ZNF445: variants seen among roughly 807,000 people sequenced by gnomAD.
ZNF445 encodes zinc finger protein 168.
ZNF445 carries 19 observed loss-of-function variants against 93.9 expected under a neutral mutation model. That is an observed-to-expected ratio of 0.20 (90% CI 0.14 to 0.30). The LOEUF is 0.30. ZNF445 is among the 10% of genes least tolerant of loss of function. The pLI, the probability that ZNF445 is intolerant of heterozygous loss-of-function variation, is 1.00. For synonymous variants in ZNF445, 449 were observed against 446.3 expected (o/e 1.01, Z -0.08); for missense variants, 1,058 against 1,259.4 (o/e 0.84, Z 2.42).
intron 1 of ZNF445, among the ~76,000 whole-genome samples, chr3:44,473,314 C>T (rs988071474): frequency 6.6e-6 from 1 of 151,904 alleles, no homozygotes; most frequent in South Asian, 2.1e-4. Flanking sequence ...AATTAGCCGG[C>T]ATGGTGCTGC....
intron 3 of ZNF445, among the ~76,000 whole-genome samples, chr3:44,453,144 C>CCA (rs1697978567): frequency 6.6e-6 from 1 of 151,938 alleles, no homozygotes; most frequent in South Asian, 2.1e-4. Flanking sequence ...GATCTCTTGA[C>CCA]CTTGTGATCT....
At chr3:44,473,491 A>ACACACACACACAC (rs768926978) in intron 1 of ZNF445, among the ~76,000 whole-genome samples, 7 of 89,886 alleles carry the variant, frequency 7.8e-5, no homozygotes, top group African/African-American at 1.3e-4. Context: ...ACACACACAC[A>ACACACACACACAC]AAAAATGCTT....
At chr3:44,469,942 G>A (rs1404644572) in intron 1 of ZNF445, among the ~76,000 whole-genome samples, 1 of 152,094 alleles carries the variant, frequency 6.6e-6, no homozygotes, top group Non-Finnish European at 1.5e-5. Flanking sequence ...TCAGGCCCGA[G>A]GCCACTCTTT....
At position 44,448,224 on chromosome 3, in the gene ZNF445, C is replaced by T. The variant is rs768119712; in HGVS notation, c.1447G>A (p.Val483Met). The change falls in exon 8 of 8, where the codon GTG becomes ATG. Residue 483 changes from valine to methionine, a missense_variant. By Grantham distance (21) the Val-to-Met change is conservative. Around this residue, in one of 3 missense-constraint regions of ZNF445, gnomAD observed 657 missense variants for 746.4 expected, o/e 0.88. Coordinates refer to ENST00000396077, the MANE Select transcript of ZNF445 (RefSeq NM_181489.6). Reference protein sequence around the residue: ...QRGQSLHTVGVSFKCSDCGRT... With the variant: ...QRGQSLHTVGMSFKCSDCGRT... ...CCACAGTCACTGCACTTAAATGACA[C>T]TCCCACTGTGTGAAGACTCTGCCCA... 8 of 1,614,110 alleles carry T rather than the reference C, an allele frequency of 5.0e-6. No homozygotes were observed. Among genetic ancestry groups the T allele is most frequent in the Non-Finnish European group, 5.1e-6 (6 of 1,180,050 alleles).
At position 44,455,126 on chromosome 3, in the gene ZNF445, A is replaced by C. The variant is rs1411704131; in HGVS notation, c.424T>G (p.Trp142Gly). Residue 142 changes from tryptophan to glycine, a missense_variant, in exon 3 of 8, where the codon TGG (tryptophan) becomes GGG (glycine). Around this residue, in one of 3 missense-constraint regions of ZNF445, gnomAD observed 657 missense variants for 746.4 expected, o/e 0.88. Transcript: ENST00000396077. Reference sequence around the variant, plus strand: ...ACACACTTGCTCACACTCACCCTCCAGGATGTCCCATCAAGGTCCCTCTGC... The same window carrying C: ...ACACACTTGCTCACACTCACCCTCCCGGATGTCCCATCAAGGTCCCTCTGC... ...ELQRDLDGTS[W>G]RDPGPAQSPD... 1.2e-6 allele frequency: 2 copies of C among 1,614,110 alleles called. No homozygotes were observed. Among genetic ancestry groups the C allele is most frequent in the African/African-American group, 1.3e-5 (1 of 75,028 alleles).
In ZNF445 at chr3:44,441,048, G is replaced by C. The variant is rs1044035452; in HGVS notation, c.*5527C>G. The C allele has an allele frequency of 6.6e-6, 1 of 152,034 alleles. No homozygotes were observed. Among genetic ancestry groups the C allele is most frequent in the Non-Finnish European group, 1.5e-5 (1 of 68,050 alleles). The allele number at this position is 152,034 out of a possible 1,614,324, so 9.4% of individuals were successfully genotyped here. A position where few individuals can be genotyped will look rare whatever the true frequency, so the allele number is the denominator to read the frequency against. ...CCTGCCTCAGCCTCTCAAGTAGCTG[G>C]GATTACAGGCACGTGCCACCATGCC... is the stretch of plus-strand genomic sequence containing the variant. On this transcript the variant is annotated 3_prime_UTR_variant, in exon 8 of 8. Transcript: ENST00000396077.
At position 44,438,604 on chromosome 3, in the gene ZNF445, A is replaced by G. The variant is rs895144674; in HGVS notation, c.*7971T>C. The G allele has an allele frequency of 6.6e-6, 1 of 152,060 alleles. No individual in the cohort carries two copies. Among genetic ancestry groups the G allele is most frequent in the Non-Finnish European group, 1.5e-5 (1 of 68,026 alleles). The allele number at this position is 152,060 out of a possible 1,614,324, so 9.4% of individuals were successfully genotyped here. A position where few individuals can be genotyped will look rare whatever the true frequency, so the allele number is the denominator to read the frequency against. ...AGCCACCGTGCCTGGCCAAAAAAAT[A>G]ATTTTTTTAAAAGGACTCCAGGCAA... On this transcript the variant is annotated 3_prime_UTR_variant, in exon 8 of 8. Coordinates refer to ENST00000396077, the MANE Select transcript of ZNF445 (RefSeq NM_181489.6).
rs146656660 is a variant in ZNF445, at chr3:44,447,582, C to T, written c.2089G>A (p.Val697Ile). 272 of 1,614,026 alleles carry T rather than the reference C, an allele frequency of 1.7e-4. No individual in the cohort carries two copies. The highest frequency in any genetic ancestry group is 2.3e-4 in the Non-Finnish European group (267 of 1,180,034). Residue 697 changes from valine to isoleucine, a missense_variant, in exon 8 of 8, where the codon GTT becomes ATT. By Grantham distance (29) the Val-to-Ile change is conservative (BLOSUM62 3). Coordinates refer to ENST00000396077, the MANE Select transcript of ZNF445 (RefSeq NM_181489.6). The surrounding 1 kb of genome is among the most constrained non-coding windows in gnomAD (Gnocchi z 4.7). The stretch of plus-strand genomic sequence containing the variant: ...CCTGTGTGAATTCTCTGGTGGTCAA[C>T]GAGAGTTTTCTTTCTAGTAAAAGTT... The part of the protein sequence containing the change: ...GKTFTRKKTL[V>I]DHQRIHTGEK...
chr3:44,448,309 C>T lies in ZNF445; in HGVS notation c.1362G>A (p.Leu454=), dbSNP rs1697907879. 1.2e-6 allele frequency: 2 copies of T among 1,614,072 alleles called. No individual in the cohort carries two copies. Among genetic ancestry groups the T allele is most frequent in the Admixed American group, 1.7e-5 (1 of 59,996 alleles). ...FSLHQRIHSG[L]KGNKKDVCGK... is the part of the protein sequence containing the mutation. Reference sequence around the variant, plus strand: ...CACACACGTCCTTTTTGTTCCCTTTCAGTCCACTATGAATTCTCTGATGTA... The same window carrying T: ...CACACACGTCCTTTTTGTTCCCTTTTAGTCCACTATGAATTCTCTGATGTA... Residue 454 remains leucine (L), a synonymous_variant, in exon 8 of 8, where the codon CTG becomes CTA. Transcript: ENST00000396077.
intron 3 of ZNF445, among the ~76,000 whole-genome samples, chr3:44,454,540 A>T (rs1698000999): frequency 6.6e-6 from 1 of 152,162 alleles, no homozygotes; most frequent in Non-Finnish European, 1.5e-5. Context: ...GGTTCAAGTG[A>T]TCCTCCCACC....
rs944572556 is a variant in ZNF445 at position 44,433,791 on chromosome 3, G to C, written c.*12784C>G. 1 of 152,340 alleles carries C rather than the reference G, an allele frequency of 6.6e-6. No homozygotes were observed. The highest frequency in any genetic ancestry group is 2.1e-4 in the South Asian group (1 of 4,834). 9.4% of individuals were successfully genotyped at this position (152,340 alleles called of 1,614,324 possible). A position where few individuals can be genotyped will look rare whatever the true frequency, so the allele number is the denominator to read the frequency against. On this transcript the variant is annotated 3_prime_UTR_variant, in exon 8 of 8. Coordinates refer to ENST00000396077, the MANE Select transcript of ZNF445 (RefSeq NM_181489.6). ...GCAGCCCTGCGGGGCCCCACACTTA[G>C]AATGGCCTCCGCCTGCTATCTTGCT...
intron 7 of ZNF445, 81 bp downstream of exon 7, chr3:44,449,432 T>C (rs1359821182): frequency 8.6e-7 from 1 of 1,159,752 alleles, no homozygotes; most frequent in Non-Finnish European, 1.3e-6. Flanking sequence ...ATGGAGTAAA[T>C]TCCCAGTGAT....
chr3:44,433,048 A>T lies in ZNF445; in HGVS notation c.*13527T>A, dbSNP rs1697592369. 1.3e-5 allele frequency: 2 copies of T among 152,174 alleles called. No homozygotes were observed. The highest frequency in any genetic ancestry group is 4.8e-5 in the African/African-American group (2 of 41,430). The allele number at this position is 152,174 out of a possible 1,614,324, so 9.4% of individuals were successfully genotyped here. ...TGCAACATCCTAACAAGGAGACGGG[A>T]AACTGAAGTACCACAGGAAGGAGAT... On this transcript the variant is annotated 3_prime_UTR_variant, in exon 8 of 8. Coordinates refer to ENST00000396077, the MANE Select transcript of ZNF445 (RefSeq NM_181489.6).
In ZNF445 at chr3:44,437,885, G is replaced by A. The variant is rs1697718952; in HGVS notation, c.*8690C>T. The A allele has an allele frequency of 6.6e-6, 1 of 152,194 alleles. No homozygotes were observed. Among genetic ancestry groups the A allele is most frequent in the Non-Finnish European group, 1.5e-5 (1 of 68,028 alleles). The allele number at this position is 152,194 out of a possible 1,614,324, so 9.4% of individuals were successfully genotyped here. ...TCACCAGAAATATGTTACAGGAAAG[G>A]GGTCCCAATTCAATCCTAGAGGGTA... On this transcript the variant is annotated 3_prime_UTR_variant, in exon 8 of 8. Transcript: ENST00000396077.
rs1345631537 is a variant in ZNF445 at position 44,436,211 on chromosome 3, A to G, written c.*10364T>C. The G allele has an allele frequency of 6.6e-6, 1 of 152,230 alleles. No homozygotes were observed. Among genetic ancestry groups the G allele is most frequent in the Non-Finnish European group, 1.5e-5 (1 of 68,046 alleles). The allele number at this position is 152,230 out of a possible 1,614,324, so 9.4% of individuals were successfully genotyped here. A position where few individuals can be genotyped will look rare whatever the true frequency, so the allele number is the denominator to read the frequency against. On this transcript the variant is annotated 3_prime_UTR_variant, in exon 8 of 8. Coordinates refer to ENST00000396077, the MANE Select transcript of ZNF445 (RefSeq NM_181489.6). ...ACTTACTCGGATCAAGTAAAACTTT[A>G]GTAGGCAGCCCATCCATTTCAGTTC...
At chr3:44,460,274 T>G (rs1698092946) in intron 1 of ZNF445, among the ~76,000 whole-genome samples, 1 of 152,218 alleles carries the variant, frequency 6.6e-6, no homozygotes, top group South Asian at 2.1e-4. Flanking sequence ...TCTTTGTTCA[T>G]TCCTGGGTAC....
chr3:44,463,245 A>G (rs1231650590), intron 1 of ZNF445, among the ~76,000 whole-genome samples: 1 of 152,092 alleles, frequency 6.6e-6, no homozygotes, highest in African/African-American at 2.4e-5. Context: ...CCATGTTGCT[A>G]GGTTGGTCTT....
At position 44,443,427 on chromosome 3, in the gene ZNF445, TTC is replaced by T. The variant is rs1697836107; in HGVS notation, c.*3146_*3147del. 1 of 152,092 alleles carries T rather than the reference TTC, an allele frequency of 6.6e-6. No individual in the cohort carries two copies. The highest frequency in any genetic ancestry group is 1.5e-5 in the Non-Finnish European group (1 of 68,014). The allele number at this position is 152,092 out of a possible 1,614,324, so 9.4% of individuals were successfully genotyped here. On this transcript the variant is annotated 3_prime_UTR_variant, in exon 8 of 8. Transcript: ENST00000396077. ...ACAGCTTACTTCAGGATAAAATAAT[TTC>T]TGTTCTTTTGGCCGGGCACAGTGGC...
intron 3 of ZNF445, among the ~76,000 whole-genome samples, chr3:44,452,804 C>A (rs1697974248): frequency 6.6e-6 from 1 of 152,008 alleles, no homozygotes; most frequent in African/African-American, 2.4e-5. Context: ...TAGTTATACC[C>A]TGTGTCTATT....
Sources: allele counts gnomAD v4.1 joint callset (sites outside exome capture counted in the v4.1 genomes callset), GRCh38; gene constraint gnomAD v4.1.1; regional missense constraint gnomAD v4.1.1; non-coding constraint Gnocchi (gnomAD v3.1); transcripts MANE v1.5; gene names NCBI Gene and HGNC (gene_info 2026-07-23, HGNC 2026-07-21).